Variants in GDPD1 observed in about 807,000 individuals in gnomAD.
GDPD1 encodes the protein glycerophosphodiester phosphodiesterase domain containing 1.
A neutral mutation model predicts 45.1 loss-of-function variants in GDPD1; 28 were observed. That is an observed-to-expected ratio of 0.62 (90% confidence interval 0.46 to 0.85). The LOEUF is 0.85. Ranked by LOEUF, GDPD1 falls within the 40% of genes least tolerant of loss-of-function variation. The pLI, the probability that GDPD1 is intolerant of heterozygous loss-of-function variation, is 0.00. For synonymous variants in GDPD1, 139 were observed against 131.4 expected (o/e 1.06, Z -0.40); for missense variants, 256 against 364.8 (o/e 0.70, Z 2.43).
Position 59,275,340 on chromosome 17 carries a change from T to C in GDPD1, c.*1567T>C. 3.1e-6 allele frequency: 2 copies of C among 642,716 alleles called. No individual in the cohort carries two copies. The highest frequency in any genetic ancestry group is 3.9e-5 in the South Asian group (2 of 51,002). The allele number at this position is 642,716 out of a possible 1,614,324, so 39.8% of individuals were successfully genotyped here. A position where few individuals can be genotyped will look rare whatever the true frequency, so the allele number is the denominator to read the frequency against. On this transcript the variant is annotated 3_prime_UTR_variant, in exon 10 of 10. Transcript: ENST00000284116. The stretch of plus-strand genomic sequence containing the variant: ...TGATTAGTTGATCAGAAATAAAATC[T>C]GTAGAGTGAATTAGATTTCTGAGTT...
chr17:59,250,392 G>A lies in GDPD1; in HGVS notation c.367+1607G>A, dbSNP rs138937689. On this transcript the variant is annotated intron_variant, in intron 4 of 9. Transcript: ENST00000284116. The stretch of plus-strand genomic sequence containing the variant: ...TCTCAGCACTTTGAGAGGCCAAGGC[G>A]GGAGGGTTGCTTGAGACCAACAGGT... 7.6e-3 allele frequency among the ~76,000 whole-genome samples: 1,159 copies of A among 152,154 alleles called. 10 individuals are homozygous for A. Among genetic ancestry groups the A allele is most frequent in the African/African-American group, 0.026 (1,092 of 41,524 alleles).
chr17:59,247,549 A>T (rs972645976), intron 3 of GDPD1, among the ~76,000 whole-genome samples: 2 of 151,992 alleles, frequency 1.3e-5, no homozygotes, highest in African/African-American at 4.8e-5. Context: ...TCCTGTGTGG[A>T]TATATAGTTA....
intron 1 of GDPD1, among the ~76,000 whole-genome samples, chr17:59,228,855 G>A (rs910558926): frequency 6.6e-6 from 1 of 151,582 alleles, no homozygotes; most frequent in Non-Finnish European, 1.5e-5. Flanking sequence ...ACTCCAGCCT[G>A]GGCAACAGAG....
intron 4 of GDPD1, among the ~76,000 whole-genome samples, chr17:59,255,318 G>C (rs957088926): frequency 1.3e-5 from 2 of 151,972 alleles, no homozygotes; most frequent in African/African-American, 4.8e-5. Flanking sequence ...AGGGACTAGA[G>C]AGCCAGGTGT....
chr17:59,262,616 G>A (rs1048783822), intron 6 of GDPD1, among the ~76,000 whole-genome samples: 1 of 148,580 alleles, frequency 6.7e-6, no homozygotes, highest in Non-Finnish European at 1.5e-5. Flanking sequence ...AAACGGCTTT[G>A]TATCTTGGTT....
chr17:59,264,810 G>A (rs7218789), intron 6 of GDPD1, among the ~76,000 whole-genome samples: 12,508 of 152,010 alleles, frequency 0.082, 1,139 homozygotes, highest in African/African-American at 0.22. Flanking sequence ...AAAAAATAAA[G>A]GAGTAGATAA....
chr17:59,262,418 G>T (rs2047363940), intron 6 of GDPD1, among the ~76,000 whole-genome samples: 1 of 152,030 alleles, frequency 6.6e-6, no homozygotes, highest in African/African-American at 2.4e-5. Flanking sequence ...CACTAAAAGG[G>T]AATGAACTAT....
intron 1 of GDPD1, among the ~76,000 whole-genome samples, chr17:59,221,844 A>G (rs555900355): frequency 4.1e-4 from 63 of 152,334 alleles, no homozygotes; most frequent in African/African-American, 1.4e-3. Flanking sequence ...TTGGTGTAGT[A>G]CCATAATCAC....
chr17:59,254,375 A>AAAAAG (rs1568346150), intron 4 of GDPD1, among the ~76,000 whole-genome samples: 2 of 148,102 alleles, frequency 1.4e-5, no homozygotes, highest in Non-Finnish European at 3.0e-5. Context: ...AAAAAAAAAA[A>AAAAAG]AAAAGAAAAG....
Position 59,274,115 on chromosome 17 carries a change from G to T in GDPD1, c.*342G>T. 1 of 786,666 alleles carries T rather than the reference G, an allele frequency of 1.3e-6. No individual in the cohort carries two copies. Among genetic ancestry groups the T allele is most frequent in the East Asian group, 1.3e-4 (1 of 7,686 alleles). The allele number at this position is 786,666 out of a possible 1,614,324, so 48.7% of individuals were successfully genotyped here. On this transcript the variant is annotated 3_prime_UTR_variant, in exon 10 of 10. Coordinates refer to ENST00000284116, the MANE Select transcript of GDPD1 (RefSeq NM_182569.4). ...ATACTACATCATCTACAGAAATCTTGATCAATAACCTAGAAACTAGGTTAT... is the reference window on the plus strand; with the variant it reads ...ATACTACATCATCTACAGAAATCTTTATCAATAACCTAGAAACTAGGTTAT...
chr17:59,261,163 G>A (rs2047352655), intron 6 of GDPD1, among the ~76,000 whole-genome samples: 1 of 151,982 alleles, frequency 6.6e-6, no homozygotes, highest in African/African-American at 2.4e-5. Flanking sequence ...ATGGGGTTTC[G>A]CCATGTTGGC....
intron 1 of GDPD1, among the ~76,000 whole-genome samples, chr17:59,232,751 C>T (rs983148115): frequency 5.3e-5 from 8 of 152,098 alleles, no homozygotes; most frequent in African/African-American, 1.9e-4. Context: ...AGAGAGACTT[C>T]TAAGACAAAA....
rs149948295 is a variant in GDPD1 at position 59,273,876 on chromosome 17, A to G, written c.*103A>G. 4.4e-5 allele frequency: 57 copies of G among 1,295,702 alleles called. 1 individual carries two copies. In the East Asian group the frequency reaches 1.3e-3, roughly 31 times the overall value. The allele number at this position is 1,295,702 out of a possible 1,614,324, so 80.3% of individuals were successfully genotyped here. A position where few individuals can be genotyped will look rare whatever the true frequency, so the allele number is the denominator to read the frequency against. ...CATTTCCAGAATGGTAAAAGGTTTA[A>G]TCAGTTTTTATTACCTCATTTTTAA... On this transcript the variant is annotated 3_prime_UTR_variant, in exon 10 of 10. Coordinates refer to ENST00000284116, the MANE Select transcript of GDPD1 (RefSeq NM_182569.4).
chr17:59,257,346 T>C (rs1021565684), intron 5 of GDPD1, 106 bp downstream of exon 5: 2 of 649,520 alleles, frequency 3.1e-6, no homozygotes, highest in Non-Finnish European at 5.4e-6. Context: ...GGAAATGTGA[T>C]ACCCTAGGGA....
intron 1 of GDPD1, among the ~76,000 whole-genome samples, chr17:59,230,135 A>G (rs1438272553): frequency 6.6e-6 from 1 of 152,168 alleles, no homozygotes; most frequent in East Asian, 1.9e-4. Flanking sequence ...ACACTGGTGT[A>G]AGTGTGAAAT....
intron 4 of GDPD1, among the ~76,000 whole-genome samples, chr17:59,252,558 T>C (rs555656407): frequency 2.0e-5 from 3 of 151,880 alleles, no homozygotes; most frequent in Admixed American, 6.6e-5. Flanking sequence ...ATTAGCCAAT[T>C]GTGGTGGTGC....
chr17:59,265,882 T>G, intron 6 of GDPD1, among the ~76,000 whole-genome samples: 1 of 133,546 alleles, frequency 7.5e-6, no homozygotes, highest in Admixed American at 8.5e-5. Context: ...CCAGCCTGGG[T>G]GACAGTGAGA....
chr17:59,228,784 G>A (rs373379305), intron 1 of GDPD1, among the ~76,000 whole-genome samples: 10 of 151,540 alleles, frequency 6.6e-5, no homozygotes, highest in African/African-American at 2.4e-4. Flanking sequence ...GGGAGGCTGA[G>A]ACTGGAAGAT....
At chr17:59,241,427 C>T (rs1311015404) in intron 2 of GDPD1, among the ~76,000 whole-genome samples, 1 of 152,166 alleles carries the variant, frequency 6.6e-6, no homozygotes, top group African/African-American at 2.4e-5. Context: ...AAGCAATTCT[C>T]CTGCCTCAGC....
Sources: gnomAD v4.1 joint callset for allele counts (sites outside exome capture counted in the v4.1 genomes callset) on GRCh38, gnomAD v4.1.1 for gene constraint, MANE v1.5 for transcripts, NCBI Gene and HGNC (gene_info 2026-07-23, HGNC 2026-07-21) for gene names.